Variants in FOXP2 observed in about 807,000 individuals in gnomAD.
FOXP2 encodes forkhead box P2.
In FOXP2, 12 loss-of-function variants were observed where a neutral mutation model predicts 115.8. The ratio of observed to expected loss-of-function variants is 0.10; its 90% CI spans 0.07 to 0.17. The LOEUF (loss-of-function observed/expected upper bound fraction) is 0.17. Ranked by LOEUF, FOXP2 falls within the 10% of genes least tolerant of loss-of-function variation. The probability of loss-of-function intolerance (pLI) is 1.00; values close to 1 mark genes in which losing one functional copy is unlikely to be tolerated. For synonymous variants in FOXP2, 328 were observed against 297.7 expected, an observed-to-expected ratio of 1.10 and a Z score of -1.05; for missense variants, 629 against 843.5, an observed-to-expected ratio of 0.75 and a Z score of 3.15.
chr7:114,657,192 T>C (rs1034946949), intron 10 of FOXP2, among the ~76,000 whole-genome samples: 1 of 152,146 alleles, frequency 6.6e-6, no homozygotes, highest in Admixed American at 6.5e-5. Context: ...AGAGGTGATA[T>C]GAGTTTTTTG....
chr7:114,495,372 T>A (rs1188377759), intron 2 of FOXP2, among the ~76,000 whole-genome samples: 1 of 152,056 alleles, frequency 6.6e-6, no homozygotes, highest in East Asian at 1.9e-4. Context: ...GAATTCCAAG[T>A]ATTATAGTAA....
intron 3 of FOXP2, among the ~76,000 whole-genome samples, chr7:114,540,242 A>G (rs1260394280): frequency 6.6e-6 from 1 of 151,748 alleles, no homozygotes; most frequent in Non-Finnish European, 1.5e-5. Context: ...CCCACCACAT[A>G]TACACTTCAC....
intron 2 of FOXP2, among the ~76,000 whole-genome samples, chr7:114,486,772 A>G (rs1796800537): frequency 6.6e-6 from 1 of 152,200 alleles, no homozygotes; most frequent in Non-Finnish European, 1.5e-5. Context: ...GGATAGCCAA[A>G]TCTTAAAGCT....
chr7:114,268,090 C>T (rs1795942256), intron 1 of FOXP2, among the ~76,000 whole-genome samples: 1 of 152,164 alleles, frequency 6.6e-6, no homozygotes, highest in South Asian at 2.1e-4. Flanking sequence ...TTTTACTCAG[C>T]ATAATGTCTT....
chr7:114,359,984 G>T (rs1006421018), intron 2 of FOXP2, among the ~76,000 whole-genome samples: 7 of 152,144 alleles, frequency 4.6e-5, no homozygotes, highest in Non-Finnish European at 1.0e-4. Flanking sequence ...AGGGGCTGGA[G>T]TGGGATGATA....
At chr7:114,133,541 A>G (rs923921430) in intron 1 of FOXP2, among the ~76,000 whole-genome samples, 15 of 152,226 alleles carry the variant, frequency 9.9e-5, no homozygotes, top group Non-Finnish European at 1.5e-4. Context: ...TATTTTGAGT[A>G]AATAAGGAAG....
intron 2 of FOXP2, among the ~76,000 whole-genome samples, chr7:114,339,613 G>T (rs1418933135): frequency 1.3e-5 from 2 of 151,044 alleles, no homozygotes; most frequent in African/African-American, 4.8e-5. Context: ...ACCCTTATGA[G>T]ATAATCAACC....
At chr7:114,387,997 A>G (rs1792495897) in intron 2 of FOXP2, among the ~76,000 whole-genome samples, 1 of 152,176 alleles carries the variant, frequency 6.6e-6, no homozygotes, top group Non-Finnish European at 1.5e-5. Flanking sequence ...TCAGTCATAG[A>G]GTTCCCAATA....
At chr7:114,403,959 A>G (rs950372488) in intron 2 of FOXP2, among the ~76,000 whole-genome samples, 2 of 152,200 alleles carry the variant, frequency 1.3e-5, no homozygotes, top group African/African-American at 4.8e-5. Flanking sequence ...TGGGTTAAGA[A>G]GGACTGACCC....
At chr7:114,251,695 A>G (rs1300809207) in intron 1 of FOXP2, among the ~76,000 whole-genome samples, 1 of 152,214 alleles carries the variant, frequency 6.6e-6, no homozygotes, top group Admixed American at 6.5e-5. Context: ...TTGAGCTGTA[A>G]CAATGGGGTT....
chr7:114,294,670 G>A lies in FOXP2; in HGVS notation c.-11+6561G>A, dbSNP rs748298808. Among the ~76,000 whole-genome samples the A allele has an allele frequency of 4.0e-5, 6 of 151,860 alleles. 1 individual carries two copies. Among genetic ancestry groups the A allele is most frequent in the Middle Eastern group, 6.8e-3 (2 of 294 alleles). On this transcript the variant is annotated intron_variant, in intron 2 of 17. Transcript: ENST00000634411. ...AGCCTGACCAACATGGTGAAACTCCGTCTTTACTGAAAATACAAAAATCAG... is the reference window on the plus strand; with the variant it reads ...AGCCTGACCAACATGGTGAAACTCCATCTTTACTGAAAATACAAAAATCAG...
At chr7:114,512,120 T>C (rs1162278899) in intron 2 of FOXP2, among the ~76,000 whole-genome samples, 3 of 152,174 alleles carry the variant, frequency 2.0e-5, no homozygotes, top group Non-Finnish European at 4.4e-5. Flanking sequence ...GTTATTGGCT[T>C]TATATTTGTG....
At chr7:114,589,306 G>A (rs1204654889) in intron 3 of FOXP2, among the ~76,000 whole-genome samples, 1 of 151,648 alleles carries the variant, frequency 6.6e-6, no homozygotes, top group Non-Finnish European at 1.5e-5. Context: ...TTATTAATAT[G>A]ATTAGTATGT....
intron 2 of FOXP2, among the ~76,000 whole-genome samples, chr7:114,480,104 T>G (rs59033287): frequency 0.011 from 1,691 of 151,572 alleles, 16 homozygotes; most frequent in Middle Eastern, 0.031. Context: ...ACAATCTAGC[T>G]TTTCATCTTT....
intron 10 of FOXP2, among the ~76,000 whole-genome samples, chr7:114,657,718 G>T (rs1003394368): frequency 1.3e-5 from 2 of 152,106 alleles, no homozygotes; most frequent in Non-Finnish European, 2.9e-5. Context: ...TATTGCTGTT[G>T]TTGTTGCTTC....
At chr7:114,198,206 A>C (rs1160050360) in intron 1 of FOXP2, among the ~76,000 whole-genome samples, 1 of 152,148 alleles carries the variant, frequency 6.6e-6, no homozygotes. Flanking sequence ...TGTTTCAGTC[A>C]GTAACTATAA....
intron 1 of FOXP2, among the ~76,000 whole-genome samples, chr7:114,090,819 T>C (rs1425142197): frequency 6.6e-6 from 1 of 151,780 alleles, no homozygotes; most frequent in Non-Finnish European, 1.5e-5. Context: ...GGAACTTTTT[T>C]TTTTTCATGA....
Position 114,330,699 on chromosome 7 carries a change from C to T in FOXP2, c.-11+42590C>T, listed in dbSNP as rs148462546. On this transcript the variant is annotated intron_variant, in intron 2 of 17. Coordinates refer to the FOXP2 transcript ENST00000634411. ...GAAGAGGACAAACTATCAGAAGTCCCCTAATTACCTTTGAAGAAAGTCATT... is the reference window on the plus strand; with the variant it reads ...GAAGAGGACAAACTATCAGAAGTCCTCTAATTACCTTTGAAGAAAGTCATT... Among the ~76,000 whole-genome samples, 1,089 of 151,718 alleles carry T rather than the reference C, an allele frequency of 7.2e-3. 8 individuals carry two copies. The highest frequency in any genetic ancestry group is 0.034 in the Middle Eastern group (10 of 294).
At chr7:114,238,883 T>G (rs1370301264) in intron 1 of FOXP2, among the ~76,000 whole-genome samples, 1 of 150,800 alleles carries the variant, frequency 6.6e-6, no homozygotes, top group Non-Finnish European at 1.5e-5. Flanking sequence ...TTATGTTATA[T>G]TTGGCCTTAG....
Sources: gnomAD v4.1 joint callset for allele counts (sites outside exome capture counted in the v4.1 genomes callset) on GRCh38, gnomAD v4.1.1 for gene constraint, MANE v1.5 for transcripts, NCBI Gene and HGNC (gene_info 2026-07-23, HGNC 2026-07-21) for gene names.